Variants in SEPTIN6 observed in about 807,000 individuals in gnomAD.
The protein encoded by SEPTIN6 is septin-6.
SEPTIN6 carries 8 observed loss-of-function variants against 33.6 expected under a neutral mutation model. The observed-to-expected ratio is 0.24, with a 90% CI of 0.14 to 0.43. The LOEUF (loss-of-function observed/expected upper bound fraction) is 0.43. Among genes scored for constraint, SEPTIN6 ranks in the 20% least tolerant of loss-of-function variants. The pLI is 1.00. For missense variants in SEPTIN6, 250 were observed against 340.8 expected (o/e 0.73, Z 2.10); for synonymous variants, 131 against 140.0 (o/e 0.94, Z 0.45).
intron 1 of SEPTIN6, among the ~76,000 whole-genome samples, chrX:119,679,178 G>A (rs2054903240): frequency 9.0e-6 from 1 of 111,209 alleles, no homozygotes; most frequent in African/African-American, 3.3e-5. Flanking sequence ...CTGACCTCAG[G>A]TGATCCACCC....
At chrX:119,690,127 G>A (rs1220163078) in intron 1 of SEPTIN6, among the ~76,000 whole-genome samples, 3 of 111,583 alleles carry the variant, frequency 2.7e-5, no homozygotes, top group Non-Finnish European at 5.6e-5. Context: ...AGTAAATATG[G>A]ACACAGTGGA....
At chrX:119,667,478 C>A (rs1053287802) in intron 2 of SEPTIN6, among the ~76,000 whole-genome samples, 5 of 111,407 alleles carry the variant, frequency 4.5e-5, no homozygotes, top group Admixed American at 3.8e-4. Flanking sequence ...GAAAAGAACA[C>A]CCGGGTGTCT....
chrX:119,672,006 A>G (rs1463367265), intron 2 of SEPTIN6, among the ~76,000 whole-genome samples: 2 of 111,924 alleles, frequency 1.8e-5, no homozygotes, highest in Non-Finnish European at 3.8e-5. Context: ...ACTCTAAGCT[A>G]CTTATGACCT....
At chrX:119,626,535 A>G (rs184482130) in intron 9 of SEPTIN6, among the ~76,000 whole-genome samples, 2 of 111,838 alleles carry the variant, frequency 1.8e-5, no homozygotes, top group Non-Finnish European at 3.8e-5. Flanking sequence ...ACCATGACAG[A>G]TAAGTTAATA....
intron 3 of SEPTIN6, 28 bp downstream of exon 3, chrX:119,663,453 AC>A: frequency 3.4e-6 from 1 of 293,596 alleles, no homozygotes; most frequent in Non-Finnish European, 6.0e-6. Flanking sequence ...CAACCTCCCC[AC>A]CCTACCCCAC....
At chrX:119,683,081 C>T (rs752910500) in intron 1 of SEPTIN6, among the ~76,000 whole-genome samples, 1 of 111,392 alleles carries the variant, frequency 9.0e-6, no homozygotes, top group African/African-American at 3.3e-5. Context: ...TGGGAAAACC[C>T]GTCTCTACTG....
At chrX:119,642,368 C>T (rs1292226958) in intron 5 of SEPTIN6, among the ~76,000 whole-genome samples, 1 of 110,598 alleles carries the variant, frequency 9.0e-6, no homozygotes, top group East Asian at 2.8e-4. Context: ...AGCTGCTTTA[C>T]ATGGCATTGT....
chrX:119,652,637 A>G (rs1462397529), intron 4 of SEPTIN6, among the ~76,000 whole-genome samples: 1 of 111,542 alleles, frequency 9.0e-6, no homozygotes, highest in East Asian at 2.8e-4. Flanking sequence ...GGATCAGGGC[A>G]GAAAGACAGC....
chrX:119,654,703 TTTTTTTAAGA>T (rs1569431719), intron 3 of SEPTIN6, among the ~76,000 whole-genome samples: 2 of 111,756 alleles, frequency 1.8e-5, no homozygotes, highest in African/African-American at 6.5e-5. Flanking sequence ...GAAAAATCTT[TTTTTTTAAGA>T]TGGAGTTTCG....
At chrX:119,686,634 G>T in intron 1 of SEPTIN6, 1 of 961,571 alleles carries the variant, frequency 1.0e-6, no homozygotes, top group South Asian at 2.0e-5. Flanking sequence ...AGCAGCAGAA[G>T]CCTCCTCCTG....
chrX:119,616,734 T>TA (rs1405726294), downstream of SEPTIN6: 2 of 1,194,958 alleles, frequency 1.7e-6, no homozygotes, highest in Non-Finnish European at 2.3e-6. Flanking sequence ...AAGACAAGAT[T>TA]AAAAAAAGCT....
At chrX:119,682,034 C>CA (rs1244408729) in intron 1 of SEPTIN6, among the ~76,000 whole-genome samples, 3 of 102,113 alleles carry the variant, frequency 2.9e-5, no homozygotes, top group Non-Finnish European at 6.0e-5. Context: ...GACCCTGTCT[C>CA]AAAAAAAAGA....
intron 1 of SEPTIN6, among the ~76,000 whole-genome samples, chrX:119,692,656 G>A (rs1053183785): frequency 1.3e-4 from 15 of 112,426 alleles, no homozygotes; most frequent in African/African-American, 4.5e-4. Context: ...CTCTTTGCCT[G>A]TGCGGTCCCG....
intron 7 of SEPTIN6, among the ~76,000 whole-genome samples, chrX:119,634,946 T>C (rs1017361191): frequency 1.9e-5 from 2 of 105,836 alleles, no homozygotes; most frequent in Non-Finnish European, 3.9e-5. Flanking sequence ...GAAGCCAAGA[T>C]TGCAGTGAGC....
chrX:119,630,980 TA>T (rs1174134897), intron 8 of SEPTIN6, among the ~76,000 whole-genome samples: 1 of 110,021 alleles, frequency 9.1e-6, no homozygotes, highest in Non-Finnish European at 1.9e-5. Flanking sequence ...TAGAATGCAA[TA>T]AACTACCCTG....
chrX:119,633,956 A>G (rs2054011874), intron 7 of SEPTIN6, among the ~76,000 whole-genome samples: 1 of 112,314 alleles, frequency 8.9e-6, no homozygotes, highest in South Asian at 3.7e-4. Context: ...TGCTAGACTC[A>G]GTACTAATTG....
intron 1 of SEPTIN6, among the ~76,000 whole-genome samples, chrX:119,688,710 GAAAAAAA>G (rs150477050): frequency 1.4e-4 from 11 of 78,772 alleles, no homozygotes; most frequent in African/African-American, 4.6e-4. Context: ...CCATCTCGGG[GAAAAAAA>G]AAAAAAAAAG....
At chrX:119,627,967 T>G (rs1476435056) in intron 9 of SEPTIN6, among the ~76,000 whole-genome samples, 1 of 106,582 alleles carries the variant, frequency 9.4e-6, no homozygotes, top group African/African-American at 3.4e-5. Flanking sequence ...CCTGGCTAAT[T>G]TTTTGTATTG....
At chrX:119,669,887 T>C (rs1410757619) in intron 2 of SEPTIN6, among the ~76,000 whole-genome samples, 1 of 111,830 alleles carries the variant, frequency 8.9e-6, no homozygotes, top group Non-Finnish European at 1.9e-5. Flanking sequence ...TTTTTTTCCA[T>C]GTTCAACAGA....
Sources: allele counts gnomAD v4.1 joint callset (sites outside exome capture counted in the v4.1 genomes callset), GRCh38; gene constraint gnomAD v4.1.1; transcripts MANE v1.5; gene names NCBI Gene and HGNC (gene_info 2026-07-23, HGNC 2026-07-21).